CNTN1: variants seen among roughly 807,000 people sequenced by gnomAD.
The protein encoded by CNTN1 is contactin 1.
Under a neutral mutation model 126.4 loss-of-function variants are expected in CNTN1, and 38 were observed. That is an observed-to-expected ratio of 0.30 (90% CI 0.23 to 0.39). CNTN1 has a LOEUF of 0.39. Ranked by LOEUF, CNTN1 falls within the 10% of genes least tolerant of loss-of-function variation. The pLI, the probability that CNTN1 is intolerant of heterozygous loss-of-function variation, is 1.00. For missense variants in CNTN1, 1,009 were observed against 1,248.4 expected (o/e 0.81, Z 2.89); for synonymous variants, 413 against 422.6 (o/e 0.98, Z 0.28).
intron 23 of CNTN1, among the ~76,000 whole-genome samples, chr12:41,041,282 A>T (rs371706055): frequency 1.3e-5 from 2 of 152,138 alleles, no homozygotes; most frequent in African/African-American, 4.8e-5. Context: ...ATCATGGTGG[A>T]TAAGCTTTTT....
At position 40,905,204 on chromosome 12, in the gene CNTN1, G is replaced by C. The variant is rs187632567; in HGVS notation, c.-76-3153G>C. Among the ~76,000 whole-genome samples the C allele has an allele frequency of 4.1e-3, 631 of 152,270 alleles. 5 individuals are homozygous for C. The highest frequency in any genetic ancestry group is 0.011 in the African/African-American group (453 of 41,564). On this transcript the variant is annotated intron_variant, in intron 1 of 23. Transcript: ENST00000551295. ...TAAATTACATTCTAGCCCTAGAAAA[G>C]TTGTCTGTATTTTATTTTCAATTTA... is the stretch of plus-strand genomic sequence containing the variant.
intron 17 of CNTN1, among the ~76,000 whole-genome samples, chr12:40,996,960 G>T (rs1285234754): frequency 6.6e-6 from 1 of 152,188 alleles, no homozygotes; most frequent in Non-Finnish European, 1.5e-5. Flanking sequence ...TGATGGAAAG[G>T]TTGGTCCCCA....
chr12:40,789,920 A>C (rs1483926825), intron 1 of CNTN1, among the ~76,000 whole-genome samples: 2 of 152,098 alleles, frequency 1.3e-5, no homozygotes, highest in African/African-American at 4.8e-5. Flanking sequence ...AACACGTGGA[A>C]GATTCTTACT....
At chr12:40,759,774 A>ATTTTTTTTTTTTTTTTTTTTTTTTTTTT (rs33992864) in intron 1 of CNTN1, among the ~76,000 whole-genome samples, 1 of 133,580 alleles carries the variant, frequency 7.5e-6, no homozygotes, top group African/African-American at 2.8e-5. Context: ...TGGCCCAGAT[A>ATTTTTTTTTTTTTTTTTTTTTTTTTTTT]TTTTTTTTTT....
intron 1 of CNTN1, among the ~76,000 whole-genome samples, chr12:40,744,125 G>A (rs1289072454): frequency 6.6e-6 from 1 of 151,868 alleles, no homozygotes; most frequent in Non-Finnish European, 1.5e-5. Flanking sequence ...TACACACTGG[G>A]GCCTGTCAGT....
chr12:40,822,203 G>T (rs963070898), intron 1 of CNTN1, among the ~76,000 whole-genome samples: 4 of 123,074 alleles, frequency 3.3e-5, no homozygotes, highest in Admixed American at 9.5e-5. Context: ...CACCTAGGCT[G>T]GAGTGCAATG....
chr12:41,072,393 G>A lies in CNTN1; in HGVS notation c.*2358G>A, dbSNP rs1938405970. The A allele has an allele frequency of 6.6e-6, 1 of 152,080 alleles. No homozygotes were observed. Among genetic ancestry groups the A allele is most frequent in the South Asian group, 2.1e-4 (1 of 4,828 alleles). 9.4% of individuals were successfully genotyped at this position (152,080 alleles called of 1,614,324 possible). ...AAAAAATTAGTATAAAGTAATAAAT[G>A]TCTTATGTTACCCAAGAAAGAACAA... On this transcript the variant is annotated 3_prime_UTR_variant, in exon 24 of 24. Transcript: ENST00000551295.
intron 7 of CNTN1, among the ~76,000 whole-genome samples, chr12:40,932,041 C>G (rs1945904625): frequency 1.3e-5 from 2 of 151,868 alleles, no homozygotes; most frequent in Admixed American, 6.6e-5. Context: ...CTATATTTCT[C>G]CTCTCCATGC....
At chr12:40,978,876 A>G (rs1262266080) in intron 15 of CNTN1, 1 of 152,158 alleles carries the variant, frequency 6.6e-6, no homozygotes, top group Non-Finnish European at 1.5e-5. Flanking sequence ...TGCTCAGAAA[A>G]AGTAACTGAA....
chr12:40,923,045 G>T (rs1449799568), intron 5 of CNTN1, among the ~76,000 whole-genome samples: 11 of 150,542 alleles, frequency 7.3e-5, no homozygotes, highest in African/African-American at 2.7e-4. Flanking sequence ...TCACCCCTAA[G>T]GGGGTGAAAA....
At chr12:40,941,809 A>C (rs917050520) in intron 12 of CNTN1, among the ~76,000 whole-genome samples, 3 of 152,088 alleles carry the variant, frequency 2.0e-5, no homozygotes, top group Non-Finnish European at 4.4e-5. Flanking sequence ...TTGACAGCTG[A>C]TCTATATCAT....
At chr12:40,853,024 A>G (rs1942775842) in intron 1 of CNTN1, among the ~76,000 whole-genome samples, 1 of 152,092 alleles carries the variant, frequency 6.6e-6, no homozygotes, top group African/African-American at 2.4e-5. Flanking sequence ...TAACATAAAC[A>G]TTATCCTGTC....
At chr12:40,868,141 T>C (rs1246373253) in intron 1 of CNTN1, among the ~76,000 whole-genome samples, 3 of 152,086 alleles carry the variant, frequency 2.0e-5, no homozygotes, top group Non-Finnish European at 4.4e-5. Context: ...TTTCTTTTCT[T>C]TATTTTTATT....
At chr12:40,832,776 C>A (rs1036570949) in intron 1 of CNTN1, among the ~76,000 whole-genome samples, 1 of 152,210 alleles carries the variant, frequency 6.6e-6, no homozygotes, top group South Asian at 2.1e-4. Flanking sequence ...GCAAACCAAC[C>A]AATCCAGAGC....
intron 1 of CNTN1, among the ~76,000 whole-genome samples, chr12:40,732,528 C>A (rs17539289): frequency 0.029 from 4,353 of 152,080 alleles, 99 homozygotes; most frequent in Non-Finnish European, 0.046. Context: ...TGCCAGGAAA[C>A]CTTCATTGCA....
chr12:41,061,226 T>C (rs1949932045), intron 23 of CNTN1, among the ~76,000 whole-genome samples: 1 of 152,220 alleles, frequency 6.6e-6, no homozygotes, highest in Non-Finnish European at 1.5e-5. Flanking sequence ...CATGTGCTTA[T>C]TGGCCAGCTT....
rs1325928974 is a variant in CNTN1, at chr12:40,939,459, G to A, written c.1353G>A (p.Gly451=). The A allele has an allele frequency of 1.2e-6, 2 of 1,613,782 alleles. No homozygotes were observed. Among genetic ancestry groups the A allele is most frequent in the Non-Finnish European group, 1.7e-6 (2 of 1,179,930 alleles). Residue 451 remains glycine (G), a synonymous_variant, in exon 12 of 24, where the codon GGG becomes GGA. Coordinates refer to ENST00000551295, the MANE Select transcript of CNTN1 (RefSeq NM_001843.4). ...AACCAAAGTTTTCATGGAGTAAAGG[G>A]ACAGAGTGGCTTGTCAATAGCAGCA... The part of the protein sequence containing the change: ...APKPKFSWSK[G]TEWLVNSSRI...
At chr12:40,972,164 G>A in intron 15 of CNTN1, 1 of 985,324 alleles carries the variant, frequency 1.0e-6, no homozygotes, top group Non-Finnish European at 1.2e-6. Flanking sequence ...CAAGATTTTA[G>A]TAAAGATGAC....
chr12:40,871,524 T>C (rs910610352), intron 1 of CNTN1, among the ~76,000 whole-genome samples: 3 of 152,154 alleles, frequency 2.0e-5, no homozygotes, highest in African/African-American at 7.2e-5. Context: ...AACATCTTGC[T>C]AATAGATTGG....
Sources: gnomAD v4.1 joint callset for allele counts (sites outside exome capture counted in the v4.1 genomes callset) on GRCh38, gnomAD v4.1.1 for gene constraint, MANE v1.5 for transcripts, NCBI Gene and HGNC (gene_info 2026-07-23, HGNC 2026-07-21) for gene names.